The following TMOD1 variants were observed in gnomAD, a reference collection of about 807,000 sequenced individuals.
The protein encoded by TMOD1 is tropomodulin 1.
TMOD1 carries 17 observed loss-of-function variants against 40.6 expected under a neutral mutation model. The observed-to-expected ratio is 0.42, with a 90% confidence interval of 0.29 to 0.63. TMOD1 has a LOEUF of 0.63. Ranked by LOEUF, TMOD1 falls within the 20% of genes least tolerant of loss-of-function variation. The pLI, the probability that TMOD1 is intolerant of heterozygous loss-of-function variation, is 0.22. For missense variants in TMOD1, 391 were observed against 447.6 expected (o/e 0.87, Z 1.14); for synonymous variants, 181 against 175.0 (o/e 1.03, Z -0.27).
chr9:97,599,403 C>T (rs1826198936), intron 9 of TMOD1, among the ~76,000 whole-genome samples: 1 of 152,202 alleles, frequency 6.6e-6, no homozygotes. Context: ...TGGTCAGCCA[C>T]TTAGCAGATA....
intron 2 of TMOD1, among the ~76,000 whole-genome samples, chr9:97,542,622 G>A (rs1337811645): frequency 6.6e-6 from 1 of 152,108 alleles, no homozygotes; most frequent in East Asian, 1.9e-4. Flanking sequence ...GGAGGCCGAG[G>A]CTGGTGGATC....
At chr9:97,580,350 T>C (rs1416988436) in intron 8 of TMOD1, among the ~76,000 whole-genome samples, 1 of 152,212 alleles carries the variant, frequency 6.6e-6, no homozygotes, top group Non-Finnish European at 1.5e-5. Flanking sequence ...CTCACACCTG[T>C]AATCCCAGCA....
Position 97,569,334 on chromosome 9 carries a change from C to T in TMOD1, c.870+297C>T, listed in dbSNP as rs116240185. On this transcript the variant is annotated intron_variant, in intron 8 of 9. Transcript: ENST00000259365. ...CAATGAGAACATTCTTCCTTATATC[C>T]GGTAGAAGTCAGCTCCCCGTAAGTC... 2.8e-3 allele frequency among the ~76,000 whole-genome samples: 433 copies of T among 152,282 alleles called. 2 individuals are homozygous for T. Among genetic ancestry groups the T allele is most frequent in the African/African-American group, 0.01 (419 of 41,554 alleles).
chr9:97,573,312 A>G (rs1320483882), intron 8 of TMOD1, among the ~76,000 whole-genome samples: 3 of 152,184 alleles, frequency 2.0e-5, no homozygotes, highest in Non-Finnish European at 4.4e-5. Flanking sequence ...ACAAATGAGA[A>G]TATGTATAAT....
chr9:97,530,911 C>T lies in TMOD1; in HGVS notation c.120+6603C>T, dbSNP rs572790400. On this transcript the variant is annotated intron_variant, in intron 2 of 9. Transcript: ENST00000259365. ...CAAGTGATTCTCCTGCCTCAGCCTC[C>T]CAAGTAGCTGGACTTACAGGCGCAC... Among the ~76,000 whole-genome samples the T allele has an allele frequency of 8.6e-5, 13 of 151,342 alleles. 1 individual carries two copies. In the East Asian group the frequency reaches 2.2e-3, roughly 25 times the overall value.
chr9:97,544,735 G>T (rs10982644), intron 2 of TMOD1, among the ~76,000 whole-genome samples: 30,601 of 151,886 alleles, frequency 0.2, 3,511 homozygotes, highest in Middle Eastern at 0.29. Context: ...AAGATTGAAA[G>T]TGGGGCTGGG....
chr9:97,561,997 C>G (rs1830647975), intron 4 of TMOD1, among the ~76,000 whole-genome samples: 1 of 152,222 alleles, frequency 6.6e-6, no homozygotes, highest in Non-Finnish European at 1.5e-5. Flanking sequence ...TGGCTCCTCT[C>G]TCCCCCAGCA....
chr9:97,528,185 A>G (rs1830045571), intron 2 of TMOD1, among the ~76,000 whole-genome samples: 1 of 152,108 alleles, frequency 6.6e-6, no homozygotes, highest in Non-Finnish European at 1.5e-5. Context: ...GGGAAGGGAC[A>G]CTCCACTTGT....
chr9:97,531,750 G>C (rs543800004), intron 2 of TMOD1, among the ~76,000 whole-genome samples: 2 of 152,120 alleles, frequency 1.3e-5, no homozygotes, highest in Non-Finnish European at 2.9e-5. Context: ...ACGCGGTACC[G>C]GTAGAGAAAG....
At chr9:97,576,567 C>T (rs569670693) in intron 8 of TMOD1, among the ~76,000 whole-genome samples, 3 of 152,094 alleles carry the variant, frequency 2.0e-5, no homozygotes, top group Admixed American at 1.3e-4. Context: ...CAAAACAAAT[C>T]CCTGTACATT....
At chr9:97,524,094 G>C (rs1478970776) in intron 1 of TMOD1, 47 bp from the exon 2 acceptor site, 3 of 1,460,830 alleles carry the variant, frequency 2.1e-6, no homozygotes, top group African/African-American at 2.8e-5. Flanking sequence ...TGCTCTGAGA[G>C]AGCAAATCTG....
chr9:97,511,135 T>G (rs947026587), intron 1 of TMOD1, among the ~76,000 whole-genome samples: 1 of 137,022 alleles, frequency 7.3e-6, no homozygotes, highest in Non-Finnish European at 1.6e-5. Context: ...TTAAACCACT[T>G]GACAACTTTG....
intron 3 of TMOD1, among the ~76,000 whole-genome samples, chr9:97,551,588 C>G (rs947593003): frequency 1.2e-4 from 18 of 152,176 alleles, no homozygotes; most frequent in Non-Finnish European, 1.3e-4. Context: ...CAGCACTACA[C>G]TGTTTAGCTT....
intron 1 of TMOD1, among the ~76,000 whole-genome samples, chr9:97,517,559 A>AC (rs1175503936): frequency 2.0e-5 from 3 of 152,096 alleles, no homozygotes; most frequent in African/African-American, 7.2e-5. Flanking sequence ...AGGGGGAGGT[A>AC]CCCAGAAGGG....
At chr9:97,523,689 G>T (rs1242880752) in intron 1 of TMOD1, among the ~76,000 whole-genome samples, 4 of 151,742 alleles carry the variant, frequency 2.6e-5, no homozygotes, top group African/African-American at 9.7e-5. Flanking sequence ...GATGGTGTAG[G>T]TGAGGGGCCT....
chr9:97,600,085 T>A lies in TMOD1; in HGVS notation c.*387T>A. ...AAACGGCACACTCTTCCACATGCTT[T>A]TGAAGTATTATAAAACACTTTATTA... On this transcript the variant is annotated 3_prime_UTR_variant, in exon 10 of 10. Transcript: ENST00000259365. 9.7e-7 allele frequency: 1 copy of A among 1,027,092 alleles called. No individual in the cohort carries two copies. 63.6% of individuals were successfully genotyped at this position (1,027,092 alleles called of 1,614,324 possible).
At chr9:97,514,241 G>GC (rs946640031) in intron 1 of TMOD1, among the ~76,000 whole-genome samples, 1 of 60,212 alleles carries the variant, frequency 1.7e-5, no homozygotes, top group Non-Finnish European at 3.8e-5. Context: ...TTTTTTTTTT[G>GC]GGGGGGGGGT....
Position 97,600,670 on chromosome 9 carries a change from T to C in TMOD1, c.*972T>C, listed in dbSNP as rs955524294. 4 of 991,758 alleles carry C rather than the reference T, an allele frequency of 4.0e-6. No individual in the cohort carries two copies. The highest frequency in any genetic ancestry group is 3.6e-6 in the Non-Finnish European group (3 of 833,940). 61.4% of individuals were successfully genotyped at this position (991,758 alleles called of 1,614,324 possible). ...CATCACTTATTAGACAAATTGCTGC[T>C]GACCTTACGCCTGTATATTAAGCCT... On this transcript the variant is annotated 3_prime_UTR_variant, in exon 10 of 10. Transcript: ENST00000259365.
At chr9:97,578,841 C>G (rs1015378932) in intron 8 of TMOD1, among the ~76,000 whole-genome samples, 3 of 152,158 alleles carry the variant, frequency 2.0e-5, no homozygotes, top group Non-Finnish European at 4.4e-5. Context: ...CAGGGGAGAC[C>G]AGTACTTTCT....
Sources: allele counts gnomAD v4.1 joint callset (sites outside exome capture counted in the v4.1 genomes callset), GRCh38; gene constraint gnomAD v4.1.1; transcripts MANE v1.5; gene names NCBI Gene and HGNC (gene_info 2026-07-23, HGNC 2026-07-21).